The following SAMD12 variants were observed in gnomAD, a reference collection of about 807,000 sequenced individuals.
SAMD12 encodes sterile alpha motif domain-containing protein 12.
A neutral mutation model predicts 15.0 loss-of-function variants in SAMD12; 9 were observed. That is an observed-to-expected ratio of 0.60 (90% confidence interval 0.36 to 1.05). The LOEUF (loss-of-function observed/expected upper bound fraction) is 1.05. SAMD12 is among the 50% of genes least tolerant of loss of function. The probability of loss-of-function intolerance (pLI) is 0.01; values close to 1 mark genes in which losing one functional copy is unlikely to be tolerated. For missense variants in SAMD12, 230 were observed against 234.2 expected (o/e 0.98, Z 0.12); for synonymous variants, 86 against 90.1 (o/e 0.96, Z 0.25).
At chr8:118,550,878 C>T (rs1429289618) in intron 2 of SAMD12, among the ~76,000 whole-genome samples, 2 of 149,554 alleles carry the variant, frequency 1.3e-5, no homozygotes, top group East Asian at 1.9e-4. Flanking sequence ...GGTTTGCAAT[C>T]CTAGTCTCTG....
chr8:118,269,343 AC>A (rs1197071186), intron 4 of SAMD12, among the ~76,000 whole-genome samples: 4 of 151,638 alleles, frequency 2.6e-5, no homozygotes, highest in African/African-American at 9.7e-5. Context: ...TATCATAGAA[AC>A]CTAGGAAAAT....
At chr8:118,348,457 G>GC (rs1042824894) in intron 4 of SAMD12, among the ~76,000 whole-genome samples, 36 of 151,424 alleles carry the variant, frequency 2.4e-4, no homozygotes, top group African/African-American at 7.8e-4. Context: ...CGCAAGCTCC[G>GC]CCCCCCGGGG....
chr8:118,540,581 C>T (rs6469754), intron 2 of SAMD12, among the ~76,000 whole-genome samples: 83,635 of 151,910 alleles, frequency 0.55, 24,376 homozygotes, highest in African/African-American at 0.75. Flanking sequence ...TCACAGGCTG[C>T]GTCTTTTACA....
intron 4 of SAMD12, among the ~76,000 whole-genome samples, chr8:118,243,872 C>A (rs1447949085): frequency 6.6e-6 from 1 of 152,052 alleles, no homozygotes; most frequent in Non-Finnish European, 1.5e-5. Context: ...AAGAAATCTG[C>A]ATGAAGAGAG....
chr8:118,218,046 G>A (rs567087981), intron 4 of SAMD12, among the ~76,000 whole-genome samples: 7 of 152,270 alleles, frequency 4.6e-5, no homozygotes, highest in African/African-American at 1.4e-4. Context: ...CTCACACCAA[G>A]TATAGCTCAC....
At chr8:118,438,043 ACT>A (rs1822624430) in intron 3 of SAMD12, among the ~76,000 whole-genome samples, 1 of 152,210 alleles carries the variant, frequency 6.6e-6, no homozygotes, top group African/African-American at 2.4e-5. Flanking sequence ...GCAAATGGTT[ACT>A]AACTGATTGA....
intron 3 of SAMD12, among the ~76,000 whole-genome samples, chr8:118,420,758 A>C (rs1381401912): frequency 6.7e-6 from 1 of 149,496 alleles, no homozygotes; most frequent in Non-Finnish European, 1.5e-5. Flanking sequence ...AGGAAAAAAA[A>C]GTAGCACATT....
At chr8:118,290,939 C>T (rs1400876998) in intron 4 of SAMD12, among the ~76,000 whole-genome samples, 2 of 152,168 alleles carry the variant, frequency 1.3e-5, no homozygotes, top group Non-Finnish European at 2.9e-5. Flanking sequence ...ACAGAGAGAA[C>T]ATATACTTGC....
At chr8:118,211,071 T>C (rs940601684) in intron 4 of SAMD12, among the ~76,000 whole-genome samples, 6 of 152,202 alleles carry the variant, frequency 3.9e-5, no homozygotes, top group African/African-American at 1.2e-4. Context: ...CATGCTATTA[T>C]AGAAGGGCAA....
intron 4 of SAMD12, among the ~76,000 whole-genome samples, chr8:118,298,610 CT>C (rs1377654680): frequency 6.6e-6 from 1 of 152,120 alleles, no homozygotes; most frequent in African/African-American, 2.4e-5. Flanking sequence ...TGTTTACACA[CT>C]TTTACCAAGG....
At chr8:118,226,457 C>A (rs1277629622) in intron 4 of SAMD12, among the ~76,000 whole-genome samples, 1 of 152,118 alleles carries the variant, frequency 6.6e-6, no homozygotes, top group African/African-American at 2.4e-5. Context: ...TCAAGAAAAT[C>A]CTCCTTTGAT....
At chr8:118,366,540 C>T (rs1204453172) in intron 4 of SAMD12, among the ~76,000 whole-genome samples, 3 of 152,052 alleles carry the variant, frequency 2.0e-5, no homozygotes, top group African/African-American at 7.2e-5. Flanking sequence ...GGGCTGGGCA[C>T]GGTGGCTCAT....
chr8:118,143,026 T>C, the SAMD12 span, among the ~76,000 whole-genome samples: 2 of 152,152 alleles, frequency 1.3e-5, no homozygotes, highest in African/African-American at 4.8e-5. Context: ...TCTGGTTGAG[T>C]AACTTAGCTT....
At chr8:118,148,783 A>C in the SAMD12 span, among the ~76,000 whole-genome samples, 1 of 152,186 alleles carries the variant, frequency 6.6e-6, no homozygotes, top group South Asian at 2.1e-4. Flanking sequence ...ATCATGTCAT[A>C]TGTGGTTATT....
chr8:118,486,343 G>A (rs2131002929), intron 2 of SAMD12, among the ~76,000 whole-genome samples: 1 of 152,162 alleles, frequency 6.6e-6, no homozygotes, highest in South Asian at 2.1e-4. Flanking sequence ...GTGAACCTGG[G>A]AGGTAGAGCT....
chr8:118,308,853 T>A (rs1815478526), intron 4 of SAMD12, among the ~76,000 whole-genome samples: 1 of 152,062 alleles, frequency 6.6e-6, no homozygotes, highest in Non-Finnish European at 1.5e-5. Flanking sequence ...ATCCTATAAA[T>A]GTTCTTAAAA....
chr8:118,469,499 A>T (rs1242834053), intron 2 of SAMD12, among the ~76,000 whole-genome samples: 12 of 16,520 alleles, frequency 7.3e-4, no homozygotes, highest in Non-Finnish European at 1.7e-3. Context: ...TTATATATAT[A>T]TTTTTATATA....
chr8:118,330,447 G>A (rs1816760044), intron 4 of SAMD12, among the ~76,000 whole-genome samples: 1 of 152,176 alleles, frequency 6.6e-6, no homozygotes, highest in African/African-American at 2.4e-5. Flanking sequence ...TACCACTGAA[G>A]AGTGAGTTTT....
At chr8:118,152,045 A>T in the SAMD12 span, among the ~76,000 whole-genome samples, 1 of 152,144 alleles carries the variant, frequency 6.6e-6, no homozygotes, top group African/African-American at 2.4e-5. Flanking sequence ...ACTCAGATAT[A>T]AAGAGCATGT....
Sources: gnomAD v4.1 joint callset for allele counts (sites outside exome capture counted in the v4.1 genomes callset) on GRCh38, gnomAD v4.1.1 for gene constraint, MANE v1.5 for transcripts, NCBI Gene and HGNC (gene_info 2026-07-23, HGNC 2026-07-21) for gene names.